Variants in TCF20 observed in about 807,000 individuals in gnomAD.
TCF20 encodes the protein SPRE-binding protein.
A neutral mutation model predicts 148.6 loss-of-function variants in TCF20; 3 were observed. The observed-to-expected ratio is 0.02, with a 90% CI of 0.01 to 0.05. TCF20 has a LOEUF of 0.05. Among genes scored for constraint, TCF20 ranks in the 10% least tolerant of loss-of-function variants. The pLI is 1.00. For missense variants in TCF20, 2,350 were observed against 2,429.3 expected (o/e 0.97, Z 0.69); for synonymous variants, 1,049 against 909.5 (o/e 1.15, Z -2.76).
chr22:42,286,075 C>T (rs1365747806), upstream of TCF20, among the ~76,000 whole-genome samples: 2 of 152,166 alleles, frequency 1.3e-5, no homozygotes, highest in African/African-American at 4.8e-5. Flanking sequence ...CTTAGACAAG[C>T]CACTGACCCC....
upstream of TCF20, among the ~76,000 whole-genome samples, chr22:42,287,893 A>G (rs1277189936): frequency 6.6e-6 from 1 of 152,250 alleles, no homozygotes; most frequent in Non-Finnish European, 1.5e-5. Context: ...AAGAAAAAAA[A>G]GTCCTGCAAA....
Position 42,213,741 on chromosome 22 carries a change from C to T in TCF20, c.1565G>A (p.Gly522Asp). The T allele has an allele frequency of 6.2e-7, 1 of 1,614,134 alleles. No individual in the cohort carries two copies. Among genetic ancestry groups the T allele is most frequent in the South Asian group, 1.1e-5 (1 of 91,084 alleles). ...KSPMAESLDG[G>D]CSSSSEDQGE... is the part of the protein sequence containing the mutation. ...TTGATCCTCTGAACTGCTGGAGCAG[C>T]CTCCATCTAATGACTCTGCCATAGG... The change falls in exon 2 of 6, where the codon GGC (glycine) becomes GAC (aspartate). Residue 522 changes from glycine to aspartate, a missense_variant. This residue lies in a region of TCF20 where 1,641 missense variants were observed against 1,662.6 expected (regional missense o/e 0.99). Coordinates refer to ENST00000677622, the MANE Select transcript of TCF20 (RefSeq NM_001378418.1).
intron 5 of TCF20, among the ~76,000 whole-genome samples, chr22:42,164,044 C>A (rs1935625567): frequency 6.6e-6 from 1 of 152,148 alleles, no homozygotes; most frequent in Non-Finnish European, 1.5e-5. Flanking sequence ...ACCACTCACC[C>A]TGGCCAGGAT....
intron 1 of TCF20, among the ~76,000 whole-genome samples, chr22:42,244,381 C>A (rs1317753359): frequency 6.6e-6 from 1 of 152,120 alleles, no homozygotes; most frequent in Non-Finnish European, 1.5e-5. Context: ...GTGGAAACAA[C>A]CGAAATGTCC....
intron 1 of TCF20, among the ~76,000 whole-genome samples, chr22:42,334,615 G>A (rs891838092): frequency 1.3e-5 from 2 of 152,248 alleles, no homozygotes; most frequent in South Asian, 4.1e-4. Flanking sequence ...GGCACATGCC[G>A]AGAACAACAG....
chr22:42,260,143 G>A (rs1045753906), intron 1 of TCF20, among the ~76,000 whole-genome samples: 2 of 152,118 alleles, frequency 1.3e-5, no homozygotes, highest in Non-Finnish European at 2.9e-5. Flanking sequence ...TCAAAGATTT[G>A]AGAAGCAGAG....
At chr22:42,250,257 G>A (rs550353797) in intron 1 of TCF20, among the ~76,000 whole-genome samples, 9 of 152,108 alleles carry the variant, frequency 5.9e-5, no homozygotes, top group African/African-American at 1.7e-4. Context: ...TGGCCAATAC[G>A]GTGAAATCCT....
At chr22:42,337,990 G>A (rs1036268395) in intron 1 of TCF20, among the ~76,000 whole-genome samples, 2 of 152,190 alleles carry the variant, frequency 1.3e-5, no homozygotes, top group Admixed American at 6.5e-5. Flanking sequence ...AGCCTTTGAC[G>A]GGCTCAGATG....
At chr22:42,235,292 T>C (rs1422405736) in intron 1 of TCF20, among the ~76,000 whole-genome samples, 1 of 152,210 alleles carries the variant, frequency 6.6e-6, no homozygotes, top group Non-Finnish European at 1.5e-5. Flanking sequence ...GTTTGCTGTC[T>C]TTCCCAAGAG....
chr22:42,252,763 T>G lies in TCF20; in HGVS notation c.-37+17576A>C, dbSNP rs572401023. Among the ~76,000 whole-genome samples the G allele has an allele frequency of 1.3e-3, 193 of 152,294 alleles. 1 individual carries two copies. The highest frequency in any genetic ancestry group is 2.4e-3 in the Non-Finnish European group (165 of 68,016). On this transcript the variant is annotated intron_variant, in intron 1 of 5. Coordinates refer to ENST00000677622, the MANE Select transcript of TCF20 (RefSeq NM_001378418.1). ...CACGGTGCCCAGCCTTTAAAAGCTT[T>G]TTTAACTGAAACACTAGAGTAACAA...
intron 1 of TCF20, among the ~76,000 whole-genome samples, chr22:42,303,212 G>A (rs1302279038): frequency 1.3e-5 from 2 of 152,240 alleles, no homozygotes; most frequent in Non-Finnish European, 2.9e-5. Flanking sequence ...TTACAGGCGT[G>A]AGCCACCATG....
At chr22:42,318,917 C>T (rs1460626385) in intron 1 of TCF20, among the ~76,000 whole-genome samples, 1 of 152,194 alleles carries the variant, frequency 6.6e-6, no homozygotes, top group African/African-American at 2.4e-5. Flanking sequence ...AATCAGCCAG[C>T]AGAGGCACCT....
chr22:42,307,038 TAAAAAAAAA>T (rs5845532), intron 1 of TCF20, among the ~76,000 whole-genome samples: 5 of 92,762 alleles, frequency 5.4e-5, no homozygotes, highest in South Asian at 3.9e-4. Context: ...GACTCTGTCT[TAAAAAAAAA>T]AAAAAAAAAA....
intron 1 of TCF20, among the ~76,000 whole-genome samples, chr22:42,240,036 G>A (rs1924256723): frequency 6.6e-6 from 1 of 152,146 alleles, no homozygotes; most frequent in Non-Finnish European, 1.5e-5. Flanking sequence ...AAGCTTCTAG[G>A]TGGTAATAAT....
At chr22:42,251,662 C>T (rs1051862041) in intron 1 of TCF20, among the ~76,000 whole-genome samples, 6 of 151,074 alleles carry the variant, frequency 4.0e-5, no homozygotes, top group Non-Finnish European at 8.8e-5. Context: ...GCAACCATGC[C>T]TAGATAATTT....
In TCF20 at chr22:42,333,176, C is replaced by T. The variant is rs145924742; in HGVS notation, c.-37+10303G>A. ...CCCACTGTGCAGAGGCTTTAGAGGACGGTGCACCCAGTCTGTGTGCAGTGG... is the reference window on the plus strand; with the variant it reads ...CCCACTGTGCAGAGGCTTTAGAGGATGGTGCACCCAGTCTGTGTGCAGTGG... On this transcript the variant is annotated intron_variant, in intron 1 of 1. Coordinates refer to the TCF20 transcript ENST00000515426. 5.6e-3 allele frequency among the ~76,000 whole-genome samples: 850 copies of T among 152,160 alleles called. 8 individuals carry two copies. The highest frequency in any genetic ancestry group is 8.1e-3 in the Non-Finnish European group (552 of 67,970).
chr22:42,258,397 C>G (rs1208258116), intron 1 of TCF20, among the ~76,000 whole-genome samples: 4 of 152,120 alleles, frequency 2.6e-5, no homozygotes, highest in Non-Finnish European at 5.9e-5. Flanking sequence ...GAAGGATATT[C>G]TTACTACCCA....
intron 1 of TCF20, among the ~76,000 whole-genome samples, chr22:42,291,862 G>A (rs564828353): frequency 6.6e-6 from 1 of 152,022 alleles, no homozygotes; most frequent in Admixed American, 6.5e-5. Context: ...GCAAGCAGAA[G>A]GGCTAGCGTG....
chr22:42,217,560 G>A (rs967103984), intron 1 of TCF20, among the ~76,000 whole-genome samples: 5 of 152,186 alleles, frequency 3.3e-5, no homozygotes, highest in African/African-American at 4.8e-5. Context: ...TAATCCTCAC[G>A]TCATCACACC....
Sources: allele counts gnomAD v4.1 joint callset (sites outside exome capture counted in the v4.1 genomes callset), GRCh38; gene constraint gnomAD v4.1.1; regional missense constraint gnomAD v4.1.1; transcripts MANE v1.5; gene names NCBI Gene and HGNC (gene_info 2026-07-23, HGNC 2026-07-21).